Variants in UBQLN1 observed in about 807,000 individuals in gnomAD.
UBQLN1 encodes the protein ubiquilin 1, also known as ubiquilin-1.
UBQLN1 carries 13 observed loss-of-function variants against 65.4 expected under a neutral mutation model. The ratio of observed to expected loss-of-function variants is 0.20; its 90% confidence interval spans 0.13 to 0.32. The LOEUF (loss-of-function observed/expected upper bound fraction) is 0.32, where lower values mean the gene tolerates loss of function less well. Among genes scored for constraint, UBQLN1 ranks in the 10% least tolerant of loss-of-function variants. UBQLN1 has a pLI of 1.00. For missense variants in UBQLN1, 561 were observed against 724.0 expected (o/e 0.77, Z 2.58); for synonymous variants, 267 against 247.8 (o/e 1.08, Z -0.73).
At chr9:83,688,651 A>T (rs1832078343) in intron 1 of UBQLN1, among the ~76,000 whole-genome samples, 1 of 152,002 alleles carries the variant, frequency 6.6e-6, no homozygotes, top group Non-Finnish European at 1.5e-5. Context: ...ATGACAGGTC[A>T]GGAGATAGAG....
At position 83,665,122 on chromosome 9, in the gene UBQLN1, T is replaced by G. The variant is rs2131141608; in HGVS notation, c.1356A>C (p.Ser452=). 6.2e-7 allele frequency: 1 copy of G among 1,613,322 alleles called. No individual in the cohort carries two copies. Among genetic ancestry groups the G allele is most frequent in the Non-Finnish European group, 8.5e-7 (1 of 1,179,730 alleles). The change falls in exon 9 of 11, where the codon TCA becomes TCC. Residue 452 remains serine, a synonymous_variant. Coordinates refer to ENST00000376395, the MANE Select transcript of UBQLN1 (RefSeq NM_013438.5). Reference sequence around the variant, plus strand: ...GCATTGCTCTAGGGTTTGACATTGCTGATAGTGTATCAGGATTCTGCATCT... The same window carrying G: ...GCATTGCTCTAGGGTTTGACATTGCGGATAGTGTATCAGGATTCTGCATCT... The part of the protein sequence containing the change: ...LQQMQNPDTL[S]AMSNPRAMQA...
intron 2 of UBQLN1, among the ~76,000 whole-genome samples, chr9:83,685,490 AC>A (rs1564167859): frequency 6.6e-6 from 1 of 152,182 alleles, no homozygotes; most frequent in Admixed American, 6.5e-5. Context: ...TCTTAGTGAT[AC>A]ACAAAGGTAT....
At position 83,683,010 on chromosome 9, in the gene UBQLN1, G is replaced by A; in HGVS notation, c.389C>T (p.Ser130Leu). 6.2e-7 allele frequency: 1 copy of A among 1,612,516 alleles called. No homozygotes were observed. The highest frequency in any genetic ancestry group is 8.5e-7 in the Non-Finnish European group (1 of 1,179,770). Residue 130 changes from serine (S) to leucine (L), a missense_variant, in exon 3 of 11, where the codon TCA becomes TTA. By Grantham distance (145) the Ser-to-Leu change is moderately radical (BLOSUM62 -2). This residue lies in a region of UBQLN1 where 87 missense variants were observed against 88.8 expected (regional missense o/e 0.98). Transcript: ENST00000376395. ...TNTAGSNVTT[S>L]STPNSNSTSG... ...TGTAGAGTTACTATTAGGAGTTGAT[G>A]ATGTAGTAACATTGCTTCCAGCTGT...
At chr9:83,667,484 A>G in intron 7 of UBQLN1, 1 of 985,276 alleles carries the variant, frequency 1.0e-6, no homozygotes, top group Non-Finnish European at 1.2e-6. Flanking sequence ...TCAATACAAT[A>G]ACAAAAGCAG....
intron 6 of UBQLN1, among the ~76,000 whole-genome samples, chr9:83,675,662 T>C (rs1451568130): frequency 6.6e-6 from 1 of 152,246 alleles, no homozygotes; most frequent in African/African-American, 2.4e-5. Flanking sequence ...CTGAATGTAA[T>C]GGCATGTTAA....
At chr9:83,685,794 C>G (rs980693984) in intron 2 of UBQLN1, among the ~76,000 whole-genome samples, 1 of 152,052 alleles carries the variant, frequency 6.6e-6, no homozygotes, top group African/African-American at 2.4e-5. Flanking sequence ...ACCAATGAAC[C>G]TTGTAAAATA....
chr9:83,672,753 A>G (rs1450723036), intron 6 of UBQLN1, among the ~76,000 whole-genome samples: 2 of 152,220 alleles, frequency 1.3e-5, no homozygotes, highest in Non-Finnish European at 2.9e-5. Context: ...TGTTGGAAAA[A>G]TGGTACTAAC....
chr9:83,687,432 G>A (rs1832057763), intron 1 of UBQLN1, among the ~76,000 whole-genome samples: 2 of 152,184 alleles, frequency 1.3e-5, no homozygotes, highest in South Asian at 4.1e-4. Context: ...ACTGGCTCAA[G>A]AAATCAGTCC....
intron 1 of UBQLN1, among the ~76,000 whole-genome samples, chr9:83,690,132 C>T (rs1564169684): frequency 6.6e-6 from 1 of 152,118 alleles, no homozygotes; most frequent in Non-Finnish European, 1.5e-5. Context: ...AACTACATGT[C>T]CACAAAAAAT....
intron 2 of UBQLN1, 129 bp from the exon 3 acceptor site, chr9:83,683,195 GA>G: frequency 1.9e-6 from 1 of 516,044 alleles, no homozygotes; most frequent in Non-Finnish European, 3.5e-6. Context: ...GGCTGATCAC[GA>G]GGTCAAGAGA....
At chr9:83,701,049 G>A (rs1286184920) in intron 1 of UBQLN1, among the ~76,000 whole-genome samples, 1 of 152,142 alleles carries the variant, frequency 6.6e-6, no homozygotes, top group African/African-American at 2.4e-5. Context: ...GATATTTTAA[G>A]TACGTAATCT....
At position 83,677,977 on chromosome 9, in the gene UBQLN1, T is replaced by TA. The variant is rs753929720; in HGVS notation, c.871-17dup. The TA allele has an allele frequency of 7.4e-5, 110 of 1,486,024 alleles. No homozygotes were observed. The highest frequency in any genetic ancestry group is 1.8e-4 in the Middle Eastern group (1 of 5,604). The allele number at this position is 1,486,024 out of a possible 1,614,324, so 92.1% of individuals were successfully genotyped here. ...TACCACCAAACTGTAATAAAAGACA[T>TA]AAAAAATCACAAAGAATAAGCTTTT... is the stretch of plus-strand genomic sequence containing the variant. On this transcript the variant is annotated splice_polypyrimidine_tract_variant and intron_variant, in intron 5 of 10. Coordinates refer to ENST00000376395, the MANE Select transcript of UBQLN1 (RefSeq NM_013438.5).
At position 83,680,600 on chromosome 9, in the gene UBQLN1, C is replaced by T. The variant is rs554779173; in HGVS notation, c.449-563G>A. 7.9e-5 allele frequency among the ~76,000 whole-genome samples: 12 copies of T among 152,232 alleles called. No homozygotes were observed. In the East Asian group the frequency reaches 2.3e-3, roughly 29 times the overall value. On this transcript the variant is annotated intron_variant, in intron 3 of 10. Transcript: ENST00000376395. The stretch of plus-strand genomic sequence containing the variant: ...ACATCTGAGTGTTAGGAGGGTTGTG[C>T]GCTGAGGAAACCTGGATGGAACCTT...
intron 7 of UBQLN1, 166 bp downstream of exon 7, chr9:83,669,019 T>C: frequency 2.7e-6 from 2 of 745,546 alleles, no homozygotes; most frequent in Non-Finnish European, 4.0e-6. Context: ...AAGTATTAAT[T>C]TACTGCAAAG....
chr9:83,672,410 A>T (rs1831748691), intron 6 of UBQLN1, among the ~76,000 whole-genome samples: 1 of 152,230 alleles, frequency 6.6e-6, no homozygotes, highest in Non-Finnish European at 1.5e-5. Flanking sequence ...GATATAAAGT[A>T]AGAGATGCAG....
chr9:83,679,694 G>A (rs897677986), intron 4 of UBQLN1, 81 bp downstream of exon 4: 1 of 1,461,250 alleles, frequency 6.8e-7, no homozygotes, highest in Non-Finnish European at 9.4e-7. Flanking sequence ...ATACATACAG[G>A]ACAATCTCAT....
rs1189536114 is a variant in UBQLN1 at position 83,667,968 on chromosome 9, GATT to G, written c.1248+1214_1248+1216del. On this transcript the variant is annotated intron_variant, in intron 7 of 10. Transcript: ENST00000376395. Reference sequence around the variant, plus strand: ...TGCTCAAGTCACTTTACTAAAGTAAGATTATTACAAAATTGCTACGCATGTGCT... The same window carrying G: ...TGCTCAAGTCACTTTACTAAAGTAAGATTACAAAATTGCTACGCATGTGCT... 5 of 985,274 alleles carry G rather than the reference GATT, an allele frequency of 5.1e-6. No individual in the cohort carries two copies. In the African/African-American group the frequency reaches 7.0e-5, roughly 14 times the overall value. The allele number at this position is 985,274 out of a possible 1,614,324, so 61.0% of individuals were successfully genotyped here.
intron 6 of UBQLN1, among the ~76,000 whole-genome samples, chr9:83,674,185 T>TAA (rs11403634): frequency 3.6e-4 from 52 of 145,180 alleles, no homozygotes; most frequent in East Asian, 8.0e-4. Flanking sequence ...ACTGCAGCAT[T>TAA]AAAAAAAAAA....
chr9:83,685,105 T>C (rs1383924970), intron 2 of UBQLN1, among the ~76,000 whole-genome samples: 1 of 152,138 alleles, frequency 6.6e-6, no homozygotes, highest in Non-Finnish European at 1.5e-5. Context: ...ACACTATTAA[T>C]TGGCACTGAC....
Sources: allele counts gnomAD v4.1 joint callset (sites outside exome capture counted in the v4.1 genomes callset), GRCh38; gene constraint gnomAD v4.1.1; regional missense constraint gnomAD v4.1.1; transcripts MANE v1.5; gene names NCBI Gene and HGNC (gene_info 2026-07-23, HGNC 2026-07-21).